The following EIF4EBP1 variants were observed in gnomAD, a reference collection of about 807,000 sequenced individuals.
EIF4EBP1 encodes the protein eukaryotic translation initiation factor 4E-binding protein 1.
A neutral mutation model predicts 9.2 loss-of-function variants in EIF4EBP1; 5 were observed. The ratio of observed to expected loss-of-function variants is 0.54; its 90% CI spans 0.28 to 1.14. EIF4EBP1 has a LOEUF of 1.14. EIF4EBP1 is among the 50% of genes most tolerant of loss of function. The pLI, the probability that EIF4EBP1 is intolerant of heterozygous loss-of-function variation, is 0.09. For missense variants in EIF4EBP1, 139 were observed against 169.6 expected (o/e 0.82, Z 1.00); for synonymous variants, 62 against 67.0 (o/e 0.93, Z 0.36).
At chr8:38,038,064 G>T (rs1563414663) in intron 1 of EIF4EBP1, among the ~76,000 whole-genome samples, 2 of 152,072 alleles carry the variant, frequency 1.3e-5, no homozygotes, top group Admixed American at 1.3e-4. Flanking sequence ...TGAGCCACTG[G>T]ACCAGCCAGA....
At chr8:38,036,669 CT>C (rs113920720) in intron 1 of EIF4EBP1, among the ~76,000 whole-genome samples, 7 of 145,684 alleles carry the variant, frequency 4.8e-5, no homozygotes, top group Non-Finnish European at 3.0e-5. Context: ...ATTGTTTCTT[CT>C]TTTTTTTTTA....
At chr8:38,055,823 C>T (rs1443530730) in intron 1 of EIF4EBP1, among the ~76,000 whole-genome samples, 12 of 151,932 alleles carry the variant, frequency 7.9e-5, no homozygotes, top group African/African-American at 2.2e-4. Context: ...GGTGAAATCC[C>T]GTCTCTACTA....
chr8:38,049,970 G>A (rs533979188), intron 1 of EIF4EBP1, among the ~76,000 whole-genome samples: 17 of 151,620 alleles, frequency 1.1e-4, no homozygotes, highest in Non-Finnish European at 2.4e-4. Context: ...GGAGTGCAGT[G>A]GCACAATCTC....
At chr8:38,035,143 C>G (rs1417488862) in intron 1 of EIF4EBP1, among the ~76,000 whole-genome samples, 1 of 152,124 alleles carries the variant, frequency 6.6e-6, no homozygotes, top group Non-Finnish European at 1.5e-5. Flanking sequence ...CACACTGTGT[C>G]CCTTATTAAA....
intron 1 of EIF4EBP1, among the ~76,000 whole-genome samples, chr8:38,040,468 T>C (rs1256931877): frequency 6.6e-6 from 1 of 152,246 alleles, no homozygotes; most frequent in Non-Finnish European, 1.5e-5. Context: ...TATTGCTATA[T>C]AACAAGCCAT....
Position 38,060,023 on chromosome 8 carries a change from T to G in EIF4EBP1, c.*88T>G, listed in dbSNP as rs943895977. 9.5e-6 allele frequency: 13 copies of G among 1,362,524 alleles called. No homozygotes were observed. Among genetic ancestry groups the G allele is most frequent in the Middle Eastern group, 1.8e-4 (1 of 5,602 alleles). The allele number at this position is 1,362,524 out of a possible 1,614,324, so 84.4% of individuals were successfully genotyped here. Reference sequence around the variant, plus strand: ...CACCAGCCAGGCCTTATGAAAGTGATCATACTGGGCAGGCGTTGGCGTGGG... The same window carrying G: ...CACCAGCCAGGCCTTATGAAAGTGAGCATACTGGGCAGGCGTTGGCGTGGG... On this transcript the variant is annotated 3_prime_UTR_variant, in exon 3 of 3. Coordinates refer to ENST00000338825, the MANE Select transcript of EIF4EBP1 (RefSeq NM_004095.4).
At chr8:38,040,041 A>G (rs1165047074) in intron 1 of EIF4EBP1, among the ~76,000 whole-genome samples, 1 of 151,860 alleles carries the variant, frequency 6.6e-6, no homozygotes, top group South Asian at 2.1e-4. Context: ...GGCACATGCT[A>G]CCACACCTGG....
intron 1 of EIF4EBP1, among the ~76,000 whole-genome samples, chr8:38,031,148 C>T (rs1809211880): frequency 6.6e-6 from 1 of 152,146 alleles, no homozygotes; most frequent in South Asian, 2.1e-4. Context: ...CTGCAGGGCC[C>T]TTTTTCCTTC....
intron 1 of EIF4EBP1, among the ~76,000 whole-genome samples, chr8:38,052,439 T>A (rs1809538392): frequency 6.6e-6 from 1 of 150,980 alleles, no homozygotes; most frequent in African/African-American, 2.5e-5. Flanking sequence ...TTTTTAAAAA[T>A]TTTAGTAGGC....
At position 38,035,087 on chromosome 8, in the gene EIF4EBP1, G is replaced by A. The variant is rs371204157; in HGVS notation, c.145+4369G>A. The stretch of plus-strand genomic sequence containing the variant: ...CTGAGCAACATAGTGAGACTCTGTC[G>A]GTATAAATTAAATAAATAAAATTTT... On this transcript the variant is annotated intron_variant, in intron 1 of 2. Coordinates refer to ENST00000338825, the MANE Select transcript of EIF4EBP1 (RefSeq NM_004095.4). 5.9e-5 allele frequency among the ~76,000 whole-genome samples: 9 copies of A among 152,064 alleles called. No individual in the cohort carries two copies. In the East Asian group the frequency reaches 1.2e-3, roughly 20 times the overall value.
chr8:38,032,854 G>T (rs1214886461), intron 1 of EIF4EBP1, among the ~76,000 whole-genome samples: 1 of 152,132 alleles, frequency 6.6e-6, no homozygotes, highest in Non-Finnish European at 1.5e-5. Context: ...TTCCTCCAAA[G>T]CCCACCTCAG....
intron 1 of EIF4EBP1, among the ~76,000 whole-genome samples, chr8:38,053,770 G>A (rs1254551577): frequency 1.3e-5 from 2 of 152,122 alleles, no homozygotes; most frequent in Admixed American, 6.6e-5. Flanking sequence ...GGACCTTGAG[G>A]ACATTATGCT....
chr8:38,054,256 C>T (rs150687570), intron 1 of EIF4EBP1, among the ~76,000 whole-genome samples: 65 of 152,312 alleles, frequency 4.3e-4, no homozygotes, highest in African/African-American at 1.5e-3. Flanking sequence ...TCAAGACCAG[C>T]TTGGCCAACA....
rs756154894 is a variant in EIF4EBP1, at chr8:38,057,267, G to T, written c.325+7G>T. 1 of 1,483,920 alleles carries T rather than the reference G, an allele frequency of 6.7e-7. No individual in the cohort carries two copies. Among genetic ancestry groups the T allele is most frequent in the South Asian group, 1.3e-5 (1 of 76,346 alleles). The allele number at this position is 1,483,920 out of a possible 1,614,324, so 91.9% of individuals were successfully genotyped here. A position where few individuals can be genotyped will look rare whatever the true frequency, so the allele number is the denominator to read the frequency against. Reference sequence around the variant, plus strand: ...GAAGATAAGCGGGCGGGCGGTGAGTGTCGGGGCTTGGCCAGGCTCTACCTT... The same window carrying T: ...GAAGATAAGCGGGCGGGCGGTGAGTTTCGGGGCTTGGCCAGGCTCTACCTT... On this transcript the variant is annotated splice_region_variant and intron_variant, in intron 2 of 2. Transcript: ENST00000338825.
At chr8:38,049,479 CTT>C (rs370855404) in intron 1 of EIF4EBP1, among the ~76,000 whole-genome samples, 7 of 139,780 alleles carry the variant, frequency 5.0e-5, no homozygotes, top group African/African-American at 7.8e-5. Flanking sequence ...TTTCCGTCTT[CTT>C]TTTTTTTTTT....
chr8:38,046,691 A>G (rs1585527126), intron 1 of EIF4EBP1, among the ~76,000 whole-genome samples: 1 of 152,316 alleles, frequency 6.6e-6, no homozygotes, highest in East Asian at 1.9e-4. Flanking sequence ...TACCATCATC[A>G]TCATCATCAT....
chr8:38,060,052 G>T lies in EIF4EBP1; in HGVS notation c.*117G>T. 1 of 897,118 alleles carries T rather than the reference G, an allele frequency of 1.1e-6. No individual in the cohort carries two copies. The highest frequency in any genetic ancestry group is 2.4e-4 in the Middle Eastern group (1 of 4,180). 55.6% of individuals were successfully genotyped at this position (897,118 alleles called of 1,614,324 possible). ...ACTGGGCAGGCGTTGGCGTGGGGTC[G>T]GACACCCCAGCCCTTTCTCCCTCAC... is the stretch of plus-strand genomic sequence containing the variant. On this transcript the variant is annotated 3_prime_UTR_variant, in exon 3 of 3. Transcript: ENST00000338825.
At chr8:38,050,574 T>C (rs1193168263) in intron 1 of EIF4EBP1, among the ~76,000 whole-genome samples, 2 of 152,152 alleles carry the variant, frequency 1.3e-5, no homozygotes, top group African/African-American at 4.8e-5. Context: ...GGTCTCAAAC[T>C]CCTGGGCTCA....
intron 1 of EIF4EBP1, among the ~76,000 whole-genome samples, chr8:38,033,743 C>CTTTTT (rs34809551): frequency 3.8e-5 from 4 of 104,272 alleles, no homozygotes; most frequent in Admixed American, 1.2e-4. Context: ...GTTTGCTTTC[C>CTTTTT]TTTTTTTTTT....
Sources: allele counts gnomAD v4.1 joint callset (sites outside exome capture counted in the v4.1 genomes callset), GRCh38; gene constraint gnomAD v4.1.1; transcripts MANE v1.5; gene names NCBI Gene and HGNC (gene_info 2026-07-23, HGNC 2026-07-21).